Variants in SEMA6D observed in about 807,000 individuals in gnomAD.
SEMA6D encodes semaphorin 6D.
A neutral mutation model predicts 106.6 loss-of-function variants in SEMA6D; 35 were observed. That is an observed-to-expected ratio of 0.33 (90% CI 0.25 to 0.44). The LOEUF is 0.44. Among genes scored for constraint, SEMA6D ranks in the 20% least tolerant of loss-of-function variants. The probability of loss-of-function intolerance (pLI) is 1.00; values close to 1 mark genes in which losing one functional copy is unlikely to be tolerated. For synonymous variants in SEMA6D, 499 were observed against 487.7 expected, an observed-to-expected ratio of 1.02 and a Z score of -0.31; for missense variants, 1,185 against 1,345.9, an observed-to-expected ratio of 0.88 and a Z score of 1.87.
intron 1 of SEMA6D, among the ~76,000 whole-genome samples, chr15:47,284,994 C>T (rs1421443911): frequency 6.6e-6 from 1 of 152,240 alleles, no homozygotes; most frequent in Non-Finnish European, 1.5e-5. Context: ...CAGGGAGAAA[C>T]GCAAGGTGAG....
chr15:47,723,381 T>G (rs2079537384), intron 1 of SEMA6D, among the ~76,000 whole-genome samples: 1 of 152,172 alleles, frequency 6.6e-6, no homozygotes, highest in Non-Finnish European at 1.5e-5. Flanking sequence ...TTCATCACTC[T>G]CCACCAAAAA....
intron 1 of SEMA6D, among the ~76,000 whole-genome samples, chr15:47,315,747 A>C (rs1018603370): frequency 2.6e-5 from 4 of 151,962 alleles, no homozygotes; most frequent in African/African-American, 9.7e-5. Flanking sequence ...CTATTCATTT[A>C]GTTCTTTTTT....
At chr15:47,416,382 G>A (rs281216) in intron 2 of SEMA6D, among the ~76,000 whole-genome samples, 1 of 152,098 alleles carries the variant, frequency 6.6e-6, no homozygotes, top group Non-Finnish European at 1.5e-5. Context: ...CACAAAATTC[G>A]GAAACTAATC....
At chr15:47,365,094 A>G (rs1439635792) in intron 1 of SEMA6D, among the ~76,000 whole-genome samples, 3 of 152,208 alleles carry the variant, frequency 2.0e-5, no homozygotes. Context: ...CTGGCCTGGA[A>G]GGGCCTAAAA....
chr15:47,462,348 T>C (rs2042539208), intron 2 of SEMA6D, among the ~76,000 whole-genome samples: 1 of 152,144 alleles, frequency 6.6e-6, no homozygotes, highest in Non-Finnish European at 1.5e-5. Context: ...CACAGTGCCT[T>C]ACATAGCAGG....
chr15:47,406,580 G>C lies in SEMA6D; in HGVS notation c.-238-5813G>C, dbSNP rs145649777. Among the ~76,000 whole-genome samples, 38 of 152,132 alleles carry C rather than the reference G, an allele frequency of 2.5e-4. 1 individual carries two copies. The East Asian group carries it at 6.6e-3, about 26-fold the overall frequency. On this transcript the variant is annotated intron_variant, in intron 1 of 19. Coordinates refer to the SEMA6D transcript ENST00000558014. ...CTTCTAAAAATAAGTCAATCTCATA[G>C]TGACAGAGAGTAAAGGGGTGGCTGC... is the stretch of plus-strand genomic sequence containing the variant.
chr15:47,655,625 CAT>C (rs760425628), intron 4 of SEMA6D, among the ~76,000 whole-genome samples: 32 of 152,276 alleles, frequency 2.1e-4, no homozygotes, highest in African/African-American at 5.8e-4. Flanking sequence ...ATTTAGAAAA[CAT>C]GTGGGAAGAG....
chr15:47,484,688 T>A (rs1429775019), intron 3 of SEMA6D, among the ~76,000 whole-genome samples: 3 of 152,300 alleles, frequency 2.0e-5, no homozygotes, highest in Middle Eastern at 6.8e-3. Context: ...CCCATCAGAT[T>A]TAAGGCCTGA....
chr15:47,338,123 A>G (rs894366948), intron 1 of SEMA6D, among the ~76,000 whole-genome samples: 6 of 152,340 alleles, frequency 3.9e-5, no homozygotes, highest in African/African-American at 1.2e-4. Context: ...GGTGTTGCCT[A>G]CAATCTAGAC....
chr15:47,288,246 T>C (rs920082564), intron 1 of SEMA6D, among the ~76,000 whole-genome samples: 1 of 152,174 alleles, frequency 6.6e-6, no homozygotes, highest in African/African-American at 2.4e-5. Context: ...ATTCCATTTC[T>C]ATCTTGGCTT....
rs538436720 is a variant in SEMA6D, at chr15:47,694,268, T to C, written c.-54-65477T>C. On this transcript the variant is annotated intron_variant, in intron 4 of 19. Coordinates refer to the SEMA6D transcript ENST00000558014. ...TCTAATGCAGCAATACTTTACATGTTAGAAGGTCAAGAGAATCTGAAAAAT... is the reference window on the plus strand; with the variant it reads ...TCTAATGCAGCAATACTTTACATGTCAGAAGGTCAAGAGAATCTGAAAAAT... Among the ~76,000 whole-genome samples, 189 of 152,238 alleles carry C rather than the reference T, an allele frequency of 1.2e-3. 1 individual carries two copies. The highest frequency in any genetic ancestry group is 2.1e-3 in the Non-Finnish European group (145 of 68,006).
At chr15:47,297,612 C>CG (rs2142951426) in intron 1 of SEMA6D, among the ~76,000 whole-genome samples, 1 of 152,266 alleles carries the variant, frequency 6.6e-6, no homozygotes, top group African/African-American at 2.4e-5. Flanking sequence ...GCTGTGGCCA[C>CG]AGCAGGGACT....
At chr15:47,655,454 A>G (rs898960745) in intron 4 of SEMA6D, among the ~76,000 whole-genome samples, 4 of 152,272 alleles carry the variant, frequency 2.6e-5, no homozygotes, top group Admixed American at 6.5e-5. Context: ...TAATATGTAT[A>G]TGTGCATTCT....
At chr15:47,404,148 T>G (rs1192070900) in intron 1 of SEMA6D, among the ~76,000 whole-genome samples, 4 of 152,154 alleles carry the variant, frequency 2.6e-5, no homozygotes, top group Non-Finnish European at 4.4e-5. Flanking sequence ...GGGATATCAT[T>G]TGGAAAATCA....
chr15:47,496,102 T>C (rs991773470), intron 3 of SEMA6D, among the ~76,000 whole-genome samples: 1 of 152,094 alleles, frequency 6.6e-6, no homozygotes, highest in Non-Finnish European at 1.5e-5. Flanking sequence ...TAAACTTCTT[T>C]TTTAGGTTTC....
intron 2 of SEMA6D, among the ~76,000 whole-genome samples, chr15:47,421,927 A>T (rs1431476017): frequency 6.6e-6 from 1 of 152,018 alleles, no homozygotes; most frequent in Non-Finnish European, 1.5e-5. Context: ...ATAAAATAAA[A>T]TTCTATTGTC....
At chr15:47,575,321 C>T (rs1402583189) in intron 3 of SEMA6D, among the ~76,000 whole-genome samples, 3 of 152,054 alleles carry the variant, frequency 2.0e-5, no homozygotes, top group Non-Finnish European at 4.4e-5. Context: ...GAAACAAAGT[C>T]AATAAGAGAC....
chr15:47,308,265 T>C (rs1287868550), intron 1 of SEMA6D, among the ~76,000 whole-genome samples: 1 of 152,136 alleles, frequency 6.6e-6, no homozygotes, highest in African/African-American at 2.4e-5. Flanking sequence ...CACATGGCCA[T>C]TGTATGTTGT....
intron 1 of SEMA6D, among the ~76,000 whole-genome samples, chr15:47,300,639 T>C (rs1168810000): frequency 1.3e-5 from 2 of 152,108 alleles, no homozygotes; most frequent in African/African-American, 4.8e-5. Context: ...TACTCATAGG[T>C]TTTAATTTAT....
Sources: gnomAD v4.1 joint callset for allele counts (sites outside exome capture counted in the v4.1 genomes callset) on GRCh38, gnomAD v4.1.1 for gene constraint, MANE v1.5 for transcripts, NCBI Gene and HGNC (gene_info 2026-07-23, HGNC 2026-07-21) for gene names.